The following SNX14 variants were observed in gnomAD, a reference collection of about 807,000 sequenced individuals.
The protein encoded by SNX14 is sorting nexin 14, also known as sorting nexin-14.
SNX14 carries 93 observed loss-of-function variants against 133.8 expected under a neutral mutation model. That is an observed-to-expected ratio of 0.70 (90% CI 0.59 to 0.83). The LOEUF is 0.83. SNX14 is among the 40% of genes least tolerant of loss of function. The probability of loss-of-function intolerance (pLI) is 0.00; values close to 1 mark genes in which losing one functional copy is unlikely to be tolerated. For missense variants in SNX14, 945 were observed against 1,094.9 expected (o/e 0.86, Z 1.93); for synonymous variants, 368 against 365.6 (o/e 1.01, Z -0.07).
At chr6:85,516,127 T>C (rs1774874254) in intron 23 of SNX14, among the ~76,000 whole-genome samples, 1 of 152,188 alleles carries the variant, frequency 6.6e-6, no homozygotes, top group African/African-American at 2.4e-5. Context: ...TAGCACCATA[T>C]CAAATATCTT....
intron 14 of SNX14, among the ~76,000 whole-genome samples, chr6:85,542,525 G>C (rs952790388): frequency 1.3e-5 from 2 of 151,724 alleles, no homozygotes; most frequent in African/African-American, 4.8e-5. Context: ...CTCCCAAGTA[G>C]CTGGGACTAC....
chr6:85,564,711 C>T (rs1438410482), intron 6 of SNX14, among the ~76,000 whole-genome samples: 4 of 151,898 alleles, frequency 2.6e-5, no homozygotes, highest in African/African-American at 4.8e-5. Flanking sequence ...GGTTTAAGGC[C>T]GGGCGCAGTG....
intron 2 of SNX14, 68 bp downstream of exon 2, chr6:85,574,190 G>C (rs557791886): frequency 8.3e-7 from 1 of 1,202,794 alleles, no homozygotes; most frequent in Non-Finnish European, 1.1e-6. Flanking sequence ...GCTTTAGCAG[G>C]CTTTCAAATA....
chr6:85,533,659 C>G lies in SNX14; in HGVS notation c.1750G>C (p.Glu584Gln). The G allele has an allele frequency of 6.2e-7, 1 of 1,613,496 alleles. No homozygotes were observed. The highest frequency in any genetic ancestry group is 1.1e-5 in the South Asian group (1 of 91,006). Reference sequence around the variant, plus strand: ...AACACAGGAATTCTTTCTTTTTTCTCCTTCCTTTCAGAGGAGGGATCCTCA... The same window carrying G: ...AACACAGGAATTCTTTCTTTTTTCTGCTTCCTTTCAGAGGAGGGATCCTCA... ...FFEDPSSERK[E>Q]KKERIPVFCI... is the part of the protein sequence containing the mutation. The change falls in exon 18 of 29, where the codon GAG becomes CAG. Residue 584 changes from glutamate (E) to glutamine (Q), a missense_variant. Glu to Gln is a conservative substitution (Grantham distance 29). Around this residue, in one of 3 missense-constraint regions of SNX14, gnomAD observed 412 missense variants for 516.6 expected, o/e 0.80. Coordinates refer to ENST00000314673, the MANE Select transcript of SNX14 (RefSeq NM_153816.6).
rs372646617 is a variant in SNX14, at chr6:85,571,211, T to C, written c.417+926A>G. Among the ~76,000 whole-genome samples the C allele has an allele frequency of 1.1e-4, 17 of 151,604 alleles. No homozygotes were observed. The East Asian group carries it at 3.1e-3, about 28-fold the overall frequency. On this transcript the variant is annotated intron_variant, in intron 4 of 28. Coordinates refer to ENST00000314673, the MANE Select transcript of SNX14 (RefSeq NM_153816.6). ...TACTAAAATGACAAAAGAAAAAAAA[T>C]TAGGCGGGCGTGGTGGTGCACGCCT...
At chr6:85,545,678 C>G (rs895620453) in intron 12 of SNX14, among the ~76,000 whole-genome samples, 6 of 152,048 alleles carry the variant, frequency 3.9e-5, no homozygotes, top group Non-Finnish European at 8.8e-5. Flanking sequence ...AAAGAACAAA[C>G]TACATATTTA....
rs1780967992 is a variant in SNX14, at chr6:85,533,689, AGTCT to A, written c.1716_1719del (p.Asp573PhefsTer54). On this transcript the variant is annotated frameshift_variant, in exon 18 of 29. Transcript: ENST00000314673. LOFTEE classifies it high-confidence loss of function. ...CTTTCAGAGGAGGGATCCTCAAAAA[AGTCT>A]ACATATGGAATGCTAATTTTCCATG... is the stretch of plus-strand genomic sequence containing the variant. 2 of 1,613,890 alleles carry A rather than the reference AGTCT, an allele frequency of 1.2e-6. No individual in the cohort carries two copies. Among genetic ancestry groups the A allele is most frequent in the Non-Finnish European group, 1.7e-6 (2 of 1,180,044 alleles).
Position 85,593,811 on chromosome 6 carries a change from TGGC to T in SNX14, c.-96_-94del. On this transcript the variant is annotated 5_prime_UTR_variant, in exon 1 of 29. Coordinates refer to ENST00000314673, the MANE Select transcript of SNX14 (RefSeq NM_153816.6). ...ACCTCGCGTCCCCGCCCCACCGACT[TGGC>T]GGCGCACACAGACGCCTACCGGCAG... 5 of 1,573,116 alleles carry T rather than the reference TGGC, an allele frequency of 3.2e-6. No homozygotes were observed. The South Asian group carries it at 5.6e-5, about 18-fold the overall frequency.
intron 13 of SNX14, 149 bp from the exon 14 acceptor site, chr6:85,543,455 A>G (rs990919704): frequency 5.6e-6 from 6 of 1,063,352 alleles, no homozygotes; most frequent in African/African-American, 1.6e-5. Context: ...TAAAGTATAA[A>G]TAAGTTTTTT....
At chr6:85,540,578 T>C (rs1314256699) in intron 15 of SNX14, among the ~76,000 whole-genome samples, 2 of 152,244 alleles carry the variant, frequency 1.3e-5, no homozygotes, top group Admixed American at 6.5e-5. Flanking sequence ...CAAAGTGGTA[T>C]TTTTGCAAAT....
intron 20 of SNX14, among the ~76,000 whole-genome samples, chr6:85,526,602 A>G (rs958046419): frequency 1.1e-4 from 16 of 152,220 alleles, no homozygotes; most frequent in Admixed American, 4.6e-4. Flanking sequence ...AAAACTAAAC[A>G]TTAGCTACTA....
At chr6:85,541,689 G>A (rs1471999722) in intron 15 of SNX14, among the ~76,000 whole-genome samples, 2 of 152,148 alleles carry the variant, frequency 1.3e-5, no homozygotes, top group African/African-American at 2.4e-5. Flanking sequence ...ATCTGTGGAT[G>A]CCACTTATGC....
chr6:85,516,263 T>C (rs1209303678), intron 23 of SNX14, among the ~76,000 whole-genome samples: 4 of 151,404 alleles, frequency 2.6e-5, no homozygotes, highest in African/African-American at 4.8e-5. Flanking sequence ...TTTTCACTTA[T>C]GTAAACAATA....
At chr6:85,554,846 G>T (rs1207641563) in intron 7 of SNX14, among the ~76,000 whole-genome samples, 1 of 151,604 alleles carries the variant, frequency 6.6e-6, no homozygotes, top group Non-Finnish European at 1.5e-5. Flanking sequence ...TTCAGACAGG[G>T]TCTTGCTCTG....
At chr6:85,588,449 C>T (rs1314453794) in intron 1 of SNX14, among the ~76,000 whole-genome samples, 1 of 151,724 alleles carries the variant, frequency 6.6e-6, no homozygotes, top group Non-Finnish European at 1.5e-5. Context: ...CGGTGGCGGG[C>T]GCCTGTAGTC....
intron 15 of SNX14, 76 bp from the exon 16 acceptor site, chr6:85,538,940 A>G: frequency 1.5e-6 from 2 of 1,313,034 alleles, no homozygotes; most frequent in Non-Finnish European, 2.1e-6. Context: ...ACTTCATTTT[A>G]GAACACAAAA....
chr6:85,588,574 T>TAAATAAATAAATAA (rs1391178454), intron 1 of SNX14, among the ~76,000 whole-genome samples: 1 of 76,974 alleles, frequency 1.3e-5, no homozygotes, highest in East Asian at 5.7e-4. Flanking sequence ...AGACTCCGTC[T>TAAATAAATAAATAA]CTAAATAAAT....
At chr6:85,506,653 G>T (rs2127740140) in intron 28 of SNX14, among the ~76,000 whole-genome samples, 1 of 152,182 alleles carries the variant, frequency 6.6e-6, no homozygotes, top group Admixed American at 6.5e-5. Flanking sequence ...GCCCAAATCT[G>T]GTTTCCTCTA....
intron 1 of SNX14, among the ~76,000 whole-genome samples, chr6:85,592,525 A>T (rs1040538905): frequency 2.0e-5 from 3 of 152,248 alleles, no homozygotes; most frequent in African/African-American, 7.2e-5. Context: ...AGTCTCCTCT[A>T]CTACCTATTG....
Sources: gnomAD v4.1 joint callset for allele counts (sites outside exome capture counted in the v4.1 genomes callset) on GRCh38, gnomAD v4.1.1 for gene constraint, gnomAD v4.1.1 regional missense constraint, MANE v1.5 for transcripts, NCBI Gene and HGNC (gene_info 2026-07-23, HGNC 2026-07-21) for gene names.